CDH8: variants seen among roughly 807,000 people sequenced by gnomAD.
CDH8 encodes cadherin-8.
A neutral mutation model predicts 68.1 loss-of-function variants in CDH8; 17 were observed. That is an observed-to-expected ratio of 0.25 (90% CI 0.17 to 0.37). The LOEUF (loss-of-function observed/expected upper bound fraction) is 0.37, where lower values mean the gene tolerates loss of function less well. CDH8 is among the 10% of genes least tolerant of loss of function. CDH8 has a pLI of 1.00. For synonymous variants in CDH8, 372 were observed against 365.1 expected, an observed-to-expected ratio of 1.02 and a Z score of -0.21; for missense variants, 763 against 999.3, an observed-to-expected ratio of 0.76 and a Z score of 3.19.
intron 2 of CDH8, among the ~76,000 whole-genome samples, chr16:61,949,832 T>C (rs757929817): frequency 6.6e-6 from 1 of 151,618 alleles, no homozygotes; most frequent in Admixed American, 6.6e-5. Context: ...ATAATAATAA[T>C]ACAAAAATTA....
At chr16:61,691,360 C>CTT (rs58224041) in intron 10 of CDH8, among the ~76,000 whole-genome samples, 342 of 148,486 alleles carry the variant, frequency 2.3e-3, no homozygotes, top group Non-Finnish European at 4.0e-3. Flanking sequence ...TGTGCATTAT[C>CTT]TTTTTTTTTT....
chr16:61,950,720 AG>A (rs1964881808), intron 2 of CDH8, among the ~76,000 whole-genome samples: 1 of 152,224 alleles, frequency 6.6e-6, no homozygotes. Context: ...CCATAAAAAA[AG>A]AACAAAATCA....
At chr16:61,967,394 A>T (rs1298588143) in intron 2 of CDH8, among the ~76,000 whole-genome samples, 1 of 152,224 alleles carries the variant, frequency 6.6e-6, no homozygotes, top group Non-Finnish European at 1.5e-5. Flanking sequence ...TTAGTAACCA[A>T]GTGAAAAATC....
chr16:61,783,764 G>A (rs1961153022), intron 8 of CDH8, among the ~76,000 whole-genome samples: 1 of 152,054 alleles, frequency 6.6e-6, no homozygotes, highest in Admixed American at 6.6e-5. Context: ...CAAGCCAGAA[G>A]AGAGTGGGGC....
In CDH8 at chr16:61,650,733, AAGAG is replaced by A. The variant is rs1963305922; in HGVS notation, c.*2871_*2874del. Reference sequence around the variant, plus strand: ...AGAGAGAGAGAGAGAGAGAGAGAGAAAGAGAGAAAGAGAGAGATAGTTCCTGAGA... The same window carrying A: ...AGAGAGAGAGAGAGAGAGAGAGAGAAAGAAAGAGAGAGATAGTTCCTGAGA... On this transcript the variant is annotated 3_prime_UTR_variant, in exon 12 of 12. Transcript: ENST00000577390. 1 of 109,902 alleles carries A rather than the reference AAGAG, an allele frequency of 9.1e-6. No homozygotes were observed. The highest frequency in any genetic ancestry group is 9.0e-5 in the Admixed American group (1 of 11,144). The allele number at this position is 109,902 out of a possible 1,614,324, so 6.8% of individuals were successfully genotyped here.
At chr16:61,931,895 G>C (rs1056688412) in intron 2 of CDH8, among the ~76,000 whole-genome samples, 1 of 152,140 alleles carries the variant, frequency 6.6e-6, no homozygotes, top group African/African-American at 2.4e-5. Context: ...GCTTAGAAGA[G>C]AAATGTGATA....
rs998659159 is a variant in CDH8, at chr16:61,653,437, T to G, written c.*171A>C. ...AGATTTATAACCTCCTAACATATACTTTTTTATTTTATTATCTTTTTTTGG... is the reference window on the plus strand; with the variant it reads ...AGATTTATAACCTCCTAACATATACGTTTTTATTTTATTATCTTTTTTTGG... On this transcript the variant is annotated 3_prime_UTR_variant, in exon 12 of 12. Transcript: ENST00000577390. 1.8e-4 allele frequency: 249 copies of G among 1,414,734 alleles called. No homozygotes were observed. In the Middle Eastern group the frequency reaches 1.8e-3, roughly 10 times the overall value. The allele number at this position is 1,414,734 out of a possible 1,614,324, so 87.6% of individuals were successfully genotyped here.
At chr16:61,737,175 T>C (rs1386586164) in intron 8 of CDH8, among the ~76,000 whole-genome samples, 1 of 152,188 alleles carries the variant, frequency 6.6e-6, no homozygotes. Flanking sequence ...AATTTGCTTT[T>C]AACTGGTTTC....
At chr16:61,992,586 T>A (rs1291748671) in intron 2 of CDH8, among the ~76,000 whole-genome samples, 2 of 151,800 alleles carry the variant, frequency 1.3e-5, no homozygotes, top group Non-Finnish European at 2.9e-5. Context: ...AAACTTGAAG[T>A]ATAATAATAA....
intron 2 of CDH8, among the ~76,000 whole-genome samples, chr16:61,949,136 G>GC (rs1964846567): frequency 1.3e-5 from 2 of 152,062 alleles, no homozygotes; most frequent in Admixed American, 1.3e-4. Flanking sequence ...TCACATTGTC[G>GC]CAGCCGCCAG....
intron 8 of CDH8, among the ~76,000 whole-genome samples, chr16:61,740,673 C>T (rs902579707): frequency 6.6e-6 from 1 of 152,066 alleles, no homozygotes; most frequent in Non-Finnish European, 1.5e-5. Context: ...CATGTAGATG[C>T]TTTAGTTCAA....
chr16:61,794,024 C>A (rs1437537831), intron 7 of CDH8, among the ~76,000 whole-genome samples: 1 of 151,924 alleles, frequency 6.6e-6, no homozygotes, highest in Middle Eastern at 3.2e-3. Context: ...ATCTTAGACA[C>A]CTAAATATTA....
chr16:61,663,607 C>T (rs1034367640), intron 10 of CDH8, among the ~76,000 whole-genome samples: 2 of 151,938 alleles, frequency 1.3e-5, no homozygotes, highest in African/African-American at 2.4e-5. Context: ...GTTTAACCCA[C>T]TTCTATTTGG....
At chr16:61,731,356 A>G (rs1388201357) in intron 8 of CDH8, among the ~76,000 whole-genome samples, 5 of 151,696 alleles carry the variant, frequency 3.3e-5, no homozygotes, top group African/African-American at 4.8e-5. Context: ...CATTTCTTTA[A>G]CAGAGCCCAA....
intron 8 of CDH8, among the ~76,000 whole-genome samples, chr16:61,760,951 G>C (rs573661529): frequency 2.7e-4 from 41 of 152,222 alleles, no homozygotes; most frequent in African/African-American, 8.9e-4. Flanking sequence ...TGAATTTGAA[G>C]TAATTGTGTT....
chr16:61,656,635 G>A (rs536851628), intron 10 of CDH8, among the ~76,000 whole-genome samples: 263 of 152,244 alleles, frequency 1.7e-3, no homozygotes, highest in Admixed American at 4.6e-3. Context: ...ATCTATAGTG[G>A]TTACATAATA....
At chr16:61,920,032 G>C (rs957883510) in intron 2 of CDH8, among the ~76,000 whole-genome samples, 1 of 150,776 alleles carries the variant, frequency 6.6e-6, no homozygotes, top group Admixed American at 6.6e-5. Flanking sequence ...AATGGTGCTG[G>C]GAAAACTGGC....
chr16:61,964,488 A>G (rs1965212956), intron 2 of CDH8, among the ~76,000 whole-genome samples: 1 of 152,096 alleles, frequency 6.6e-6, no homozygotes, highest in African/African-American at 2.4e-5. Context: ...ACCCAGGCAT[A>G]CATGATGAGA....
intron 2 of CDH8, among the ~76,000 whole-genome samples, chr16:61,942,664 T>A (rs1050896450): frequency 6.6e-6 from 1 of 152,204 alleles, no homozygotes; most frequent in African/African-American, 2.4e-5. Context: ...CCACCTGGAT[T>A]TCTTTCTGTT....
Sources: allele counts gnomAD v4.1 joint callset (sites outside exome capture counted in the v4.1 genomes callset), GRCh38; gene constraint gnomAD v4.1.1; transcripts MANE v1.5; gene names NCBI Gene and HGNC (gene_info 2026-07-23, HGNC 2026-07-21).